Variants in CHD1L observed in about 807,000 individuals in gnomAD.
CHD1L encodes the protein chromodomain helicase DNA binding protein 1 like.
Under a neutral mutation model 115.9 loss-of-function variants are expected in CHD1L, and 118 were observed. The ratio of observed to expected loss-of-function variants is 1.02; its 90% CI spans 0.88 to 1.19. The LOEUF (loss-of-function observed/expected upper bound fraction) is 1.19, where lower values mean the gene tolerates loss of function less well. CHD1L is among the 50% of genes most tolerant of loss of function. CHD1L has a pLI of 0.00. For synonymous variants in CHD1L, 411 were observed against 387.1 expected (o/e 1.06, Z -0.72); for missense variants, 1,179 against 1,065.3 (o/e 1.11, Z -1.49).
intron 9 of CHD1L, 32 bp from the exon 10 acceptor site, chr1:147,268,750 A>G: frequency 6.3e-7 from 1 of 1,578,418 alleles, no homozygotes; most frequent in Non-Finnish European, 8.7e-7. Context: ...TACTGAGGGC[A>G]CATTACTGGG....
chr1:147,203,682 C>A, the CHD1L span: 19 of 1,476,268 alleles, frequency 1.3e-5, no homozygotes, highest in South Asian at 1.7e-4. Flanking sequence ...TTGGCTAATT[C>A]AATTTCTGTT....
At chr1:147,198,844 G>A in the CHD1L span, among the ~76,000 whole-genome samples, 3 of 95,992 alleles carry the variant, frequency 3.1e-5, no homozygotes, top group African/African-American at 4.4e-5. Context: ...GAGCGAGACT[G>A]CATCTCAAAA....
the CHD1L span, chr1:147,223,705 C>A: frequency 5.1e-6 from 1 of 197,494 alleles, no homozygotes; most frequent in South Asian, 8.7e-5. Context: ...AAAGAGACCT[C>A]ACCCTCTTTG....
chr1:147,257,970 G>A (rs1479034250), intron 5 of CHD1L, among the ~76,000 whole-genome samples: 1 of 151,962 alleles, frequency 6.6e-6, no homozygotes, highest in Non-Finnish European at 1.5e-5. Context: ...AGTAACAGAG[G>A]GACATTTATA....
rs782618260 is a variant in CHD1L at position 147,242,812 on chromosome 1, C to G, written c.109C>G (p.Arg37Gly). ...GGCGCGGGTGCAGGAGCAGGACTTA[C>G]GGCAGTGGGGGCTGACAGGTGAGCG... ...EAARVQEQDL[R>G]QWGLTGIHLR... is the part of the protein sequence containing the mutation. The change falls in exon 1 of 23, where the codon CGG becomes GGG. Residue 37 changes from arginine to glycine, a missense_variant. Physicochemically the swap from Arg to Gly is moderately radical, Grantham distance 125. Coordinates refer to ENST00000369258, the MANE Select transcript of CHD1L (RefSeq NM_004284.6). The G allele has an allele frequency of 3.9e-6, 5 of 1,277,702 alleles. No homozygotes were observed. The highest frequency in any genetic ancestry group is 3.8e-5 in the South Asian group (1 of 26,614). The allele number at this position is 1,277,702 out of a possible 1,614,324, so 79.1% of individuals were successfully genotyped here.
chr1:147,178,292 G>A, the CHD1L span: 4 of 1,613,252 alleles, frequency 2.5e-6, no homozygotes, highest in South Asian at 1.1e-5. Flanking sequence ...TGTGGACACT[G>A]CAAGAGACTT....
the CHD1L span, among the ~76,000 whole-genome samples, chr1:147,234,091 T>TA: frequency 7.5e-4 from 114 of 151,528 alleles, no homozygotes; most frequent in African/African-American, 2.2e-3. Flanking sequence ...GAATGATCAA[T>TA]AAAAAAAATA....
chr1:147,285,837 C>G (rs1438159124), intron 17 of CHD1L, among the ~76,000 whole-genome samples: 1 of 152,108 alleles, frequency 6.6e-6, no homozygotes, highest in Non-Finnish European at 1.5e-5. Context: ...GCTGGGAACA[C>G]AGGTGTGTGC....
At chr1:147,269,409 G>A (rs1423397661) in intron 10 of CHD1L, among the ~76,000 whole-genome samples, 4 of 152,080 alleles carry the variant, frequency 2.6e-5, no homozygotes, top group African/African-American at 7.2e-5. Flanking sequence ...TGTGGCTCGC[G>A]CCTGTAATCC....
At chr1:147,259,612 C>T in intron 5 of CHD1L, 1 of 410,114 alleles carries the variant, frequency 2.4e-6, no homozygotes, top group South Asian at 4.1e-5. Flanking sequence ...CTGCATAGGT[C>T]TTTCCCATTT....
At chr1:147,282,047 G>T (rs782190605) in intron 15 of CHD1L, among the ~76,000 whole-genome samples, 7 of 152,066 alleles carry the variant, frequency 4.6e-5, no homozygotes, top group Non-Finnish European at 8.8e-5. Context: ...AGGAAAATTC[G>T]TTTGGGGATC....
intron 6 of CHD1L, among the ~76,000 whole-genome samples, chr1:147,263,841 T>C (rs1672876903): frequency 6.6e-6 from 1 of 152,222 alleles, no homozygotes; most frequent in Non-Finnish European, 1.5e-5. Context: ...TTCTTTGTTG[T>C]TGAAAATTTA....
At chr1:147,207,573 A>G in the CHD1L span, among the ~76,000 whole-genome samples, 4 of 152,002 alleles carry the variant, frequency 2.6e-5, no homozygotes, top group African/African-American at 7.2e-5. Flanking sequence ...TGAGTCTGCC[A>G]TTTATTATTT....
At chr1:147,219,816 T>C in the CHD1L span, among the ~76,000 whole-genome samples, 3 of 149,424 alleles carry the variant, frequency 2.0e-5, no homozygotes, top group South Asian at 6.3e-4. Flanking sequence ...GCAGGATACA[T>C]GGTTAACATA....
the CHD1L span, among the ~76,000 whole-genome samples, chr1:147,176,613 T>TG: frequency 6.6e-6 from 1 of 152,170 alleles, no homozygotes; most frequent in African/African-American, 2.4e-5. Flanking sequence ...TAAATAGATA[T>TG]GGTGTATAGT....
At chr1:147,254,533 C>T (rs181961908) in intron 2 of CHD1L, among the ~76,000 whole-genome samples, 191 of 152,260 alleles carry the variant, frequency 1.3e-3, no homozygotes, top group African/African-American at 4.2e-3. Flanking sequence ...TTCAGAGTAT[C>T]GCAGATCTTG....
chr1:147,267,115 C>T (rs953256699), intron 8 of CHD1L, among the ~76,000 whole-genome samples: 27 of 152,142 alleles, frequency 1.8e-4, no homozygotes, highest in African/African-American at 6.3e-4. Context: ...AATAATTTCT[C>T]AAATTGCACT....
At chr1:147,277,931 G>C (rs1378702035) in intron 14 of CHD1L, among the ~76,000 whole-genome samples, 1 of 152,072 alleles carries the variant, frequency 6.6e-6, no homozygotes, top group Non-Finnish European at 1.5e-5. Context: ...CCAATGAGGG[G>C]TATCTTGTGA....
chr1:147,201,102 G>T, the CHD1L span: 2 of 1,336,650 alleles, frequency 1.5e-6, no homozygotes, highest in Non-Finnish European at 2.1e-6. Context: ...CCTAAACAGA[G>T]GTAAACATAT....
Sources: allele counts gnomAD v4.1 joint callset (sites outside exome capture counted in the v4.1 genomes callset), GRCh38; gene constraint gnomAD v4.1.1; transcripts MANE v1.5; gene names NCBI Gene and HGNC (gene_info 2026-07-23, HGNC 2026-07-21).